Variants in RAPGEF2 observed in about 807,000 individuals in gnomAD.
RAPGEF2 encodes the protein PDZ domain containing guanine nucleotide exchange factor (GEF) 1.
In RAPGEF2, 54 loss-of-function variants were observed where a neutral mutation model predicts 186.7. The ratio of observed to expected loss-of-function variants is 0.29; its 90% CI spans 0.23 to 0.36. The LOEUF is 0.36. RAPGEF2 is among the 10% of genes least tolerant of loss of function. The pLI, the probability that RAPGEF2 is intolerant of heterozygous loss-of-function variation, is 1.00. For synonymous variants in RAPGEF2, 712 were observed against 705.9 expected, an observed-to-expected ratio of 1.01 and a Z score of -0.14; for missense variants, 1,532 against 2,045.0, an observed-to-expected ratio of 0.75 and a Z score of 4.84.
At chr4:159,144,757 C>T (rs1296788858) in intron 1 of RAPGEF2, among the ~76,000 whole-genome samples, 1 of 151,848 alleles carries the variant, frequency 6.6e-6, no homozygotes, top group East Asian at 1.9e-4. Flanking sequence ...CTTGTAACAT[C>T]TTTGATGGGT....
At chr4:159,268,229 A>G (rs891107722) in intron 7 of RAPGEF2, 16 of 1,553,580 alleles carry the variant, frequency 1.0e-5, no homozygotes, top group African/African-American at 1.4e-5. Flanking sequence ...AGTATCGCAA[A>G]TGCTGCTTGT....
At chr4:159,350,503 TTATAAC>T (rs1293920710) in intron 26 of RAPGEF2, among the ~76,000 whole-genome samples, 3 of 152,248 alleles carry the variant, frequency 2.0e-5, no homozygotes, top group South Asian at 4.1e-4. Context: ...AGTATTAAAT[TTATAAC>T]TATAAGAAGC....
chr4:159,131,319 A>G (rs1377268633), intron 1 of RAPGEF2, among the ~76,000 whole-genome samples: 1 of 152,018 alleles, frequency 6.6e-6, no homozygotes, highest in African/African-American at 2.4e-5. Context: ...CATGTTGGTC[A>G]GGCTGGTCTC....
chr4:159,193,213 A>T lies in RAPGEF2; in HGVS notation c.154A>T (p.Thr52Ser), dbSNP rs1748295687. 6.7e-7 allele frequency: 1 copy of T among 1,502,996 alleles called. No individual in the cohort carries two copies. Among genetic ancestry groups the T allele is most frequent in the African/African-American group, 1.4e-5 (1 of 71,840 alleles). The allele number at this position is 1,502,996 out of a possible 1,614,324, so 93.1% of individuals were successfully genotyped here. The stretch of plus-strand genomic sequence containing the variant: ...TCTCTTTTACAGGTTAATGTGTGAA[A>T]CTGTGAGATATGAGAGACACGAAGC... ...REHQLRLMCE[T>S]VRYERHEANE... The change falls in exon 3 of 30, where the codon ACT (threonine) becomes TCT (serine). Residue 52 changes from threonine (T) to serine (S), a missense_variant. Thr to Ser is a moderately conservative substitution (Grantham distance 58). Coordinates refer to ENST00000691494, the MANE Select transcript of RAPGEF2 (RefSeq NM_001394067.2).
intron 1 of RAPGEF2, among the ~76,000 whole-genome samples, chr4:159,117,491 ATAGT>A (rs930827769): frequency 4.6e-5 from 7 of 151,988 alleles, no homozygotes; most frequent in Non-Finnish European, 1.0e-4. Flanking sequence ...TCTACATCCC[ATAGT>A]TAGAGAAAAC....
chr4:159,241,045 G>A, intron 5 of RAPGEF2, 156 bp from the exon 6 acceptor site: 1 of 537,818 alleles, frequency 1.9e-6, no homozygotes, highest in Non-Finnish European at 3.0e-6. Context: ...TAGTTCCAGA[G>A]AAGTTCAGAG....
In RAPGEF2 at chr4:159,149,888, G is replaced by GA. The variant is rs1743348861; in HGVS notation, c.70-36750dup. 3.3e-5 allele frequency among the ~76,000 whole-genome samples: 5 copies of GA among 152,260 alleles called. No homozygotes were observed. The South Asian group carries it at 1.0e-3, about 32-fold the overall frequency. On this transcript the variant is annotated intron_variant, in intron 1 of 29. Transcript: ENST00000691494. ...TGCTATCATAAACAGATGTGATGTT[G>GA]AAAATGTAATTTCAAAACTTTATAA... is the stretch of plus-strand genomic sequence containing the variant.
intron 1 of RAPGEF2, among the ~76,000 whole-genome samples, chr4:159,122,960 G>A (rs1278068451): frequency 6.6e-6 from 1 of 152,016 alleles, no homozygotes; most frequent in Non-Finnish European, 1.5e-5. Flanking sequence ...ATCTAGCAAA[G>A]GTTATTTTTA....
At chr4:159,135,956 G>A (rs530771689) in intron 1 of RAPGEF2, among the ~76,000 whole-genome samples, 10 of 152,288 alleles carry the variant, frequency 6.6e-5, no homozygotes, top group African/African-American at 2.2e-4. Context: ...AAATAGTACA[G>A]AGAGTTTCCA....
rs1414445412 is a variant in RAPGEF2 at position 159,321,780 on chromosome 4, C to A, written c.854-567C>A. On this transcript the variant is annotated intron_variant, in intron 9 of 29. Coordinates refer to ENST00000691494, the MANE Select transcript of RAPGEF2 (RefSeq NM_001394067.2). ...ATAGGAAAGAAGAGTGAACAAACTT[C>A]CTTTTTTGCCAACTTGTGGGCTAAA... 3.9e-5 allele frequency among the ~76,000 whole-genome samples: 6 copies of A among 152,238 alleles called. No individual in the cohort carries two copies. The East Asian group carries it at 1.2e-3, about 29-fold the overall frequency.
chr4:159,252,309 C>T (rs907743847), intron 7 of RAPGEF2, among the ~76,000 whole-genome samples: 2 of 152,188 alleles, frequency 1.3e-5, no homozygotes, highest in East Asian at 3.8e-4. Context: ...CTTGGCCTCC[C>T]AAAGTACTGG....
chr4:159,222,741 A>G (rs917668933), intron 4 of RAPGEF2, among the ~76,000 whole-genome samples: 4 of 152,168 alleles, frequency 2.6e-5, no homozygotes, highest in African/African-American at 9.7e-5. Context: ...GTTTTTGTTT[A>G]AGAAAGTGTA....
chr4:159,278,220 G>T (rs1033046071), intron 7 of RAPGEF2, among the ~76,000 whole-genome samples: 2 of 152,076 alleles, frequency 1.3e-5, no homozygotes, highest in East Asian at 1.9e-4. Flanking sequence ...TCCATTTCTT[G>T]TTTTTGTCAG....
intron 1 of RAPGEF2, among the ~76,000 whole-genome samples, chr4:159,182,901 A>G (rs943188503): frequency 6.6e-6 from 1 of 152,188 alleles, no homozygotes; most frequent in Non-Finnish European, 1.5e-5. Context: ...GACAAAAACA[A>G]TGTTAAAAGA....
At position 159,174,963 on chromosome 4, in the gene RAPGEF2, T is replaced by C. The variant is rs533550156; in HGVS notation, c.70-11679T>C. 3.7e-4 allele frequency among the ~76,000 whole-genome samples: 56 copies of C among 152,250 alleles called. 1 individual carries two copies. The highest frequency in any genetic ancestry group is 2.3e-3 in the Admixed American group (35 of 15,286). ...TTCTCTATAGAGATGGGTCTCACTG[T>C]GTTTCCCATGTTGGTTTCAAACTTG... On this transcript the variant is annotated intron_variant, in intron 1 of 29. Coordinates refer to ENST00000691494, the MANE Select transcript of RAPGEF2 (RefSeq NM_001394067.2).
chr4:159,273,318 C>G (rs1758349900), intron 7 of RAPGEF2, among the ~76,000 whole-genome samples: 1 of 152,134 alleles, frequency 6.6e-6, no homozygotes, highest in Non-Finnish European at 1.5e-5. Flanking sequence ...CTTTTTACCC[C>G]CATTAGAAGT....
At position 159,183,384 on chromosome 4, in the gene RAPGEF2, G is replaced by A. The variant is rs114506563; in HGVS notation, c.70-3258G>A. ...ATATGCACATGTGAAAATAATGTTG[G>A]ACCCCTACTTCACACTGTATACAAA... On this transcript the variant is annotated intron_variant, in intron 1 of 29. Transcript: ENST00000691494. Among the ~76,000 whole-genome samples the A allele has an allele frequency of 4.8e-3, 731 of 152,254 alleles. 6 individuals carry two copies. The highest frequency in any genetic ancestry group is 0.017 in the African/African-American group (699 of 41,544).
At chr4:159,247,550 T>C (rs978767650) in intron 7 of RAPGEF2, among the ~76,000 whole-genome samples, 6 of 152,078 alleles carry the variant, frequency 3.9e-5, no homozygotes, top group African/African-American at 1.4e-4. Context: ...AGCAGAGGTG[T>C]GACATACTGA....
rs75239719 is a variant in RAPGEF2 at position 159,288,367 on chromosome 4, C to A, written c.544-15975C>A. On this transcript the variant is annotated intron_variant, in intron 7 of 29. Coordinates refer to ENST00000691494, the MANE Select transcript of RAPGEF2 (RefSeq NM_001394067.2). The stretch of plus-strand genomic sequence containing the variant: ...CACCTTTATGGTGCTTCCAGCATAT[C>A]AAATTTTTACTTTTTTAAAAAGTTG... Among the ~76,000 whole-genome samples the A allele has an allele frequency of 3.4e-3, 510 of 152,228 alleles. 2 individuals are homozygous for A. Among genetic ancestry groups the A allele is most frequent in the African/African-American group, 0.011 (477 of 41,534 alleles).
Sources: allele counts gnomAD v4.1 joint callset (sites outside exome capture counted in the v4.1 genomes callset), GRCh38; gene constraint gnomAD v4.1.1; transcripts MANE v1.5; gene names NCBI Gene and HGNC (gene_info 2026-07-23, HGNC 2026-07-21).